DLGAP2: variants seen among roughly 807,000 people sequenced by gnomAD.
DLGAP2 encodes the protein disks large-associated protein 2.
DLGAP2 carries 26 observed loss-of-function variants against 100.3 expected under a neutral mutation model. The observed-to-expected ratio is 0.26, with a 90% CI of 0.19 to 0.36. The LOEUF is 0.36. Ranked by LOEUF, DLGAP2 falls within the 10% of genes least tolerant of loss-of-function variation. The pLI, the probability that DLGAP2 is intolerant of heterozygous loss-of-function variation, is 1.00. For missense variants in DLGAP2, 1,858 were observed against 1,453.2 expected, an observed-to-expected ratio of 1.28 and a Z score of -4.53; for synonymous variants, 886 against 630.1, an observed-to-expected ratio of 1.41 and a Z score of -6.08.
At position 834,710 on chromosome 8, in the gene DLGAP2, T is replaced by C. The variant is rs1796840970; in HGVS notation, c.19-73202T>C. Among the ~76,000 whole-genome samples, 3 of 152,120 alleles carry C rather than the reference T, an allele frequency of 2.0e-5. No individual in the cohort carries two copies. In the South Asian group the frequency reaches 6.2e-4, roughly 32 times the overall value. On this transcript the variant is annotated intron_variant, in intron 1 of 14. Transcript: ENST00000637795. ...GGGGTCAAGTGGGTGCTATGCCCTATTGGGTACTACACTCAGTACCTGAGT... is the reference window on the plus strand; with the variant it reads ...GGGGTCAAGTGGGTGCTATGCCCTACTGGGTACTACACTCAGTACCTGAGT...
At chr8:971,931 A>G (rs143340535) in intron 2 of DLGAP2, among the ~76,000 whole-genome samples, 39 of 152,164 alleles carry the variant, frequency 2.6e-4, no homozygotes, top group African/African-American at 9.4e-4. Context: ...CTGAGACCCA[A>G]TCATAGCATT....
chr8:1,539,768 C>T (rs1285469547), intron 4 of DLGAP2, among the ~76,000 whole-genome samples: 1 of 152,190 alleles, frequency 6.6e-6, no homozygotes, highest in Non-Finnish European at 1.5e-5. Context: ...TATAGAAGAC[C>T]TTCTGTGTGG....
chr8:1,409,738 T>C (rs1034774991), intron 3 of DLGAP2, among the ~76,000 whole-genome samples: 1 of 152,084 alleles, frequency 6.6e-6, no homozygotes, highest in African/African-American at 2.4e-5. Flanking sequence ...AGGGCTCAAA[T>C]AGAACTGAAA....
At chr8:1,652,511 C>T (rs1798190624) in intron 8 of DLGAP2, among the ~76,000 whole-genome samples, 1 of 152,180 alleles carries the variant, frequency 6.6e-6, no homozygotes. Flanking sequence ...CTGCTGCCCA[C>T]TTGCAACTAA....
intron 2 of DLGAP2, among the ~76,000 whole-genome samples, chr8:964,675 G>C (rs915462391): frequency 6.6e-6 from 1 of 152,188 alleles, no homozygotes; most frequent in Admixed American, 6.5e-5. Flanking sequence ...TTCTTCAGGG[G>C]TCCCAGTGTG....
intron 1 of DLGAP2, among the ~76,000 whole-genome samples, chr8:743,356 T>C (rs1027584761): frequency 2.0e-5 from 3 of 152,178 alleles, no homozygotes; most frequent in Non-Finnish European, 2.9e-5. Flanking sequence ...CATTTTTTGG[T>C]GAAGATAAAT....
At chr8:1,068,522 G>C (rs538239585) in intron 2 of DLGAP2, among the ~76,000 whole-genome samples, 3 of 152,158 alleles carry the variant, frequency 2.0e-5, no homozygotes, top group Non-Finnish European at 1.5e-5. Flanking sequence ...AGGCTTCCCC[G>C]GTGGGGACTA....
intron 2 of DLGAP2, among the ~76,000 whole-genome samples, chr8:923,471 TG>T (rs778227484): frequency 1.3e-5 from 2 of 152,230 alleles, no homozygotes; most frequent in Non-Finnish European, 2.9e-5. Flanking sequence ...GCCCAGGAGC[TG>T]GAGATGCCAA....
Position 1,350,364 on chromosome 8 carries a change from C to T in DLGAP2, c.106+91481C>T, listed in dbSNP as rs1360949821. On this transcript the variant is annotated intron_variant, in intron 3 of 14. Coordinates refer to ENST00000637795, the MANE Select transcript of DLGAP2 (RefSeq NM_001346810.2). ...GGGTCCTGACAGTGTGTGGAAAGGC[C>T]GCGTGGGTCCTGACTGTGCGTGGAA... Among the ~76,000 whole-genome samples, 12 of 96,492 alleles carry T rather than the reference C, an allele frequency of 1.2e-4. 2 individuals carry two copies. The highest frequency in any genetic ancestry group is 4.6e-4 in the African/African-American group (12 of 25,900). The allele number at this position is 96,492 out of a possible 152,430, so 63.3% of individuals were successfully genotyped here.
intron 2 of DLGAP2, among the ~76,000 whole-genome samples, chr8:1,122,447 C>G (rs1487277147): frequency 6.6e-6 from 1 of 152,182 alleles, no homozygotes. Flanking sequence ...TTACTGCCAT[C>G]CAGAGCTGAG....
At chr8:868,065 C>G (rs1797530923) in intron 1 of DLGAP2, among the ~76,000 whole-genome samples, 1 of 152,126 alleles carries the variant, frequency 6.6e-6, no homozygotes, top group Non-Finnish European at 1.5e-5. Context: ...TTGTAGGTGT[C>G]AGTTTTCAAA....
chr8:850,053 A>ACT (rs61216682), intron 1 of DLGAP2, among the ~76,000 whole-genome samples: 34,518 of 142,058 alleles, frequency 0.24, 5,295 homozygotes, highest in East Asian at 0.72. Context: ...ACAGAAGGAG[A>ACT]CTGTCTAAAA....
chr8:796,041 C>T (rs74429647), intron 1 of DLGAP2, among the ~76,000 whole-genome samples: 23 of 110,204 alleles, frequency 2.1e-4, no homozygotes, highest in African/African-American at 3.3e-4. Flanking sequence ...TGAGAGCAGG[C>T]GTCCAGTGAG....
At chr8:1,493,124 G>T (rs1287373827) in intron 3 of DLGAP2, among the ~76,000 whole-genome samples, 1 of 152,222 alleles carries the variant, frequency 6.6e-6, no homozygotes, top group African/African-American at 2.4e-5. Context: ...AGCTGTGCAG[G>T]TAGAACCAGG....
At chr8:1,466,271 GC>G (rs1159499669) in intron 3 of DLGAP2, among the ~76,000 whole-genome samples, 2 of 152,142 alleles carry the variant, frequency 1.3e-5, no homozygotes, top group African/African-American at 4.8e-5. Context: ...GACTTGAATG[GC>G]TTAACTGACA....
At chr8:1,272,287 T>C (rs1307057260) in intron 3 of DLGAP2, among the ~76,000 whole-genome samples, 1 of 152,104 alleles carries the variant, frequency 6.6e-6, no homozygotes, top group Non-Finnish European at 1.5e-5. Flanking sequence ...TTTATGTGAG[T>C]GAATGTAGAC....
intron 4 of DLGAP2, among the ~76,000 whole-genome samples, chr8:1,519,380 A>T (rs889497949): frequency 3.3e-5 from 5 of 152,318 alleles, no homozygotes; most frequent in African/African-American, 9.6e-5. Context: ...ACTGCCCGAA[A>T]TTCAGTGTTT....
intron 4 of DLGAP2, among the ~76,000 whole-genome samples, chr8:1,526,566 G>A (rs1007922150): frequency 6.6e-6 from 1 of 152,196 alleles, no homozygotes; most frequent in African/African-American, 2.4e-5. Context: ...TTCTCATAGC[G>A]AGACTTCCCG....
At chr8:1,465,918 G>A (rs1798615061) in intron 3 of DLGAP2, among the ~76,000 whole-genome samples, 1 of 152,188 alleles carries the variant, frequency 6.6e-6, no homozygotes, top group South Asian at 2.1e-4. Flanking sequence ...TGACAGAAAG[G>A]CCGGGAAAGG....
Sources: gnomAD v4.1 joint callset for allele counts (sites outside exome capture counted in the v4.1 genomes callset) on GRCh38, gnomAD v4.1.1 for gene constraint, MANE v1.5 for transcripts, NCBI Gene and HGNC (gene_info 2026-07-23, HGNC 2026-07-21) for gene names.